The following CREM variants were observed in gnomAD, a reference collection of about 807,000 sequenced individuals.
The protein encoded by CREM is cAMP responsive element modulator, also known as cAMP-responsive element modulator.
Under a neutral mutation model 37.3 loss-of-function variants are expected in CREM, and 13 were observed. The ratio of observed to expected loss-of-function variants is 0.35; its 90% CI spans 0.23 to 0.55. CREM has a LOEUF of 0.55. Ranked by LOEUF, CREM falls within the 20% of genes least tolerant of loss-of-function variation. The pLI is 0.88. For missense variants in CREM, 296 were observed against 362.3 expected, an observed-to-expected ratio of 0.82 and a Z score of 1.49; for synonymous variants, 124 against 120.2, an observed-to-expected ratio of 1.03 and a Z score of -0.21.
intron 3 of CREM, among the ~76,000 whole-genome samples, chr10:35,162,180 C>T (rs552732808): frequency 1.9e-4 from 29 of 152,336 alleles, no homozygotes; most frequent in Non-Finnish European, 4.3e-4. Flanking sequence ...CAGAAAGACA[C>T]ATACTGCATG....
chr10:35,143,341 G>T (rs1314915428), intron 2 of CREM, among the ~76,000 whole-genome samples: 1 of 152,172 alleles, frequency 6.6e-6, no homozygotes, highest in African/African-American at 2.4e-5. Flanking sequence ...GGAGGCAGAT[G>T]GGCAGAGAGA....
chr10:35,130,824 A>G (rs2089224683), intron 1 of CREM, among the ~76,000 whole-genome samples: 1 of 152,238 alleles, frequency 6.6e-6, no homozygotes, highest in South Asian at 2.1e-4. Flanking sequence ...TGTTCGCAGA[A>G]TGAAGTTGCC....
At chr10:35,160,725 C>T (rs183491253) in intron 3 of CREM, among the ~76,000 whole-genome samples, 67 of 152,364 alleles carry the variant, frequency 4.4e-4, no homozygotes, top group Non-Finnish European at 6.3e-4. Flanking sequence ...AAACATATTA[C>T]ACAGCTGCAT....
chr10:35,197,557 A>T (rs1357651537), intron 6 of CREM, among the ~76,000 whole-genome samples: 1 of 151,750 alleles, frequency 6.6e-6, no homozygotes, highest in Non-Finnish European at 1.5e-5. Context: ...GGTTCACGCC[A>T]TTCTCCTGCC....
At chr10:35,134,875 T>C (rs998912103) in intron 1 of CREM, among the ~76,000 whole-genome samples, 1 of 151,756 alleles carries the variant, frequency 6.6e-6, no homozygotes, top group Non-Finnish European at 1.5e-5. Context: ...CCATCTCTAC[T>C]AAAAATACAA....
chr10:35,211,644 G>A lies in CREM; in HGVS notation c.*246G>A. 6.2e-7 allele frequency: 1 copy of A among 1,607,092 alleles called. No homozygotes were observed. Among genetic ancestry groups the A allele is most frequent in the Non-Finnish European group, 8.5e-7 (1 of 1,177,636 alleles). On this transcript the variant is annotated 3_prime_UTR_variant, in exon 8 of 8. Coordinates refer to ENST00000685392, the MANE Select transcript of CREM (RefSeq NM_183011.2). ...AATGCTTTGTTTGCCCTTTGCTTCTGCTTTTTTTCAGGGAAGCTGCCAAAG... is the reference window on the plus strand; with the variant it reads ...AATGCTTTGTTTGCCCTTTGCTTCTACTTTTTTTCAGGGAAGCTGCCAAAG...
intron 6 of CREM, among the ~76,000 whole-genome samples, chr10:35,204,086 A>G (rs1486475097): frequency 2.0e-5 from 3 of 152,202 alleles, no homozygotes; most frequent in East Asian, 3.8e-4. Context: ...GAGGAGAGCT[A>G]TGTTATTCTC....
intron 1 of CREM, among the ~76,000 whole-genome samples, chr10:35,136,398 A>G (rs1228814478): frequency 6.6e-6 from 1 of 152,178 alleles, no homozygotes; most frequent in Non-Finnish European, 1.5e-5. Context: ...TGGGTTATAC[A>G]GTTGTTAAGG....
intron 1 of CREM, among the ~76,000 whole-genome samples, chr10:35,129,211 G>A (rs1298677045): frequency 6.6e-6 from 1 of 152,214 alleles, no homozygotes; most frequent in East Asian, 1.9e-4. Flanking sequence ...ATATTTTGGT[G>A]ACAGTATATG....
In CREM at chr10:35,141,299, G is replaced by T. The variant is rs139438423; in HGVS notation, c.44+3420G>T. Among the ~76,000 whole-genome samples the T allele has an allele frequency of 1.4e-3, 206 of 152,334 alleles. 1 individual carries two copies. Among genetic ancestry groups the T allele is most frequent in the Middle Eastern group, 3.4e-3 (1 of 294 alleles). ...GATTTTATCCTGTAGTCAATAGGAA[G>T]CTACTGAAGAGTTTTAAGCAAAGAA... On this transcript the variant is annotated intron_variant, in intron 2 of 7. Coordinates refer to ENST00000685392, the MANE Select transcript of CREM (RefSeq NM_183011.2).
chr10:35,148,222 C>T, intron 2 of CREM, 146 bp from the exon 3 acceptor site: 5 of 709,768 alleles, frequency 7.0e-6, no homozygotes, highest in East Asian at 2.8e-5. Context: ...TGGAATTTTC[C>T]TTTTGTGGCA....
rs1389158874 is a variant in CREM at position 35,179,243 on chromosome 10, A to G, written c.376A>G (p.Thr126Ala). The G allele has an allele frequency of 6.2e-7, 1 of 1,613,854 alleles. No homozygotes were observed. Among genetic ancestry groups the G allele is most frequent in the Admixed American group, 1.7e-5 (1 of 59,998 alleles). ...PPSIATMAVP[T>A]SIYQTSTGQY... ...TAGTATTGCTACCATGGCAGTACCA[A>G]CTAGCATATATCAGACTAGCACGGG... Residue 126 changes from threonine (T) to alanine (A), a missense_variant, in exon 5 of 8, where the codon ACT becomes GCT. By Grantham distance (58) the Thr-to-Ala change is moderately conservative. Around this residue, in one of 2 missense-constraint regions of CREM, gnomAD observed 257 missense variants for 280.2 expected, o/e 0.92. Transcript: ENST00000685392.
In CREM at chr10:35,157,410, C is replaced by T. The variant is rs942136369; in HGVS notation, c.168+8919C>T. On this transcript the variant is annotated intron_variant, in intron 3 of 7. Coordinates refer to ENST00000685392, the MANE Select transcript of CREM (RefSeq NM_183011.2). ...CTTTGGGAGGTTGAGGCAGGCGGAT[C>T]GCTGGAGCCCAAGAGTTAAGAGACC... Among the ~76,000 whole-genome samples, 35 of 152,082 alleles carry T rather than the reference C, an allele frequency of 2.3e-4. No individual in the cohort carries two copies. The South Asian group carries it at 5.4e-3, about 24-fold the overall frequency.
chr10:35,171,477 A>G (rs2093818841), intron 3 of CREM, among the ~76,000 whole-genome samples: 1 of 152,098 alleles, frequency 6.6e-6, no homozygotes, highest in Non-Finnish European at 1.5e-5. Context: ...TTTTTGATAG[A>G]GTTATTGTTT....
Position 35,188,215 on chromosome 10 carries a change from G to A in CREM, c.425G>A (p.Gly142Asp), listed in dbSNP as rs2094738348. Residue 142 changes from glycine to aspartate, a missense_variant, in exon 6 of 8, where the codon GGT (glycine) becomes GAT (aspartate). Physicochemically the swap from Gly to Asp is moderately conservative, Grantham distance 94. Around this residue, in one of 2 missense-constraint regions of CREM, gnomAD observed 257 missense variants for 280.2 expected, o/e 0.92. Transcript: ENST00000685392. ...STGQYIAIAQ[G>D]GTIQISNPGS... ...TTCTGTTAAGTTGCTATAGCCCAAG[G>A]TGGAACAATCCAGATTTCTAACCCA... 3 of 1,613,094 alleles carry A rather than the reference G, an allele frequency of 1.9e-6. No homozygotes were observed. The highest frequency in any genetic ancestry group is 1.1e-5 in the South Asian group (1 of 90,830).
At chr10:35,175,655 A>G (rs1415764508) in intron 3 of CREM, 1 of 1,613,294 alleles carries the variant, frequency 6.2e-7, no homozygotes, top group East Asian at 2.2e-5. Flanking sequence ...GTTCCTTAAT[A>G]AATGTCACAT....
chr10:35,176,213 T>C (rs2094066217), intron 3 of CREM, among the ~76,000 whole-genome samples: 1 of 152,214 alleles, frequency 6.6e-6, no homozygotes, highest in Admixed American at 6.5e-5. Context: ...TGCCAACTTT[T>C]CATTTGGGGA....
chr10:35,165,359 C>G (rs990623467), intron 3 of CREM, among the ~76,000 whole-genome samples: 7 of 152,036 alleles, frequency 4.6e-5, no homozygotes, highest in Admixed American at 4.6e-4. Flanking sequence ...CCCCCATGAC[C>G]CAAACACCTC....
At chr10:35,180,517 A>G (rs1414696121) in intron 5 of CREM, among the ~76,000 whole-genome samples, 1 of 152,040 alleles carries the variant, frequency 6.6e-6, no homozygotes, top group Non-Finnish European at 1.5e-5. Flanking sequence ...ATTGAGGGGA[A>G]CTCCTACCAT....
Sources: gnomAD v4.1 joint callset for allele counts (sites outside exome capture counted in the v4.1 genomes callset) on GRCh38, gnomAD v4.1.1 for gene constraint, gnomAD v4.1.1 regional missense constraint, MANE v1.5 for transcripts, NCBI Gene and HGNC (gene_info 2026-07-23, HGNC 2026-07-21) for gene names.